BICC1: variants seen among roughly 807,000 people sequenced by gnomAD.
BICC1 encodes the protein BicC family RNA binding protein 1.
In BICC1, 43 loss-of-function variants were observed where a neutral mutation model predicts 111.0. The observed-to-expected ratio is 0.39, with a 90% CI of 0.30 to 0.50. BICC1 has a LOEUF of 0.50. Among genes scored for constraint, BICC1 ranks in the 20% least tolerant of loss-of-function variants. The pLI, the probability that BICC1 is intolerant of heterozygous loss-of-function variation, is 0.88. For missense variants in BICC1, 1,091 were observed against 1,203.2 expected, an observed-to-expected ratio of 0.91 and a Z score of 1.38; for synonymous variants, 467 against 434.4, an observed-to-expected ratio of 1.07 and a Z score of -0.93.
intron 2 of BICC1, among the ~76,000 whole-genome samples, chr10:58,657,113 C>G (rs1838681740): frequency 6.6e-6 from 1 of 152,144 alleles, no homozygotes. Flanking sequence ...CTCACGTGCG[C>G]CATTCCATCT....
chr10:58,527,275 T>C (rs1842569711), intron 1 of BICC1, among the ~76,000 whole-genome samples: 1 of 152,198 alleles, frequency 6.6e-6, no homozygotes, highest in South Asian at 2.1e-4. Context: ...TGGGGTTGAT[T>C]TTTTCCTGTA....
At chr10:58,680,083 C>G (rs965375320) in intron 2 of BICC1, among the ~76,000 whole-genome samples, 1 of 152,182 alleles carries the variant, frequency 6.6e-6, no homozygotes, top group Non-Finnish European at 1.5e-5. Flanking sequence ...CAATATCATA[C>G]TGAATGGGCA....
At position 58,649,370 on chromosome 10, in the gene BICC1, T is replaced by A. The variant is rs565227376; in HGVS notation, c.237+28469T>A. 4.6e-5 allele frequency among the ~76,000 whole-genome samples: 7 copies of A among 152,300 alleles called. No homozygotes were observed. In the South Asian group the frequency reaches 1.4e-3, roughly 32 times the overall value. ...TCAAGTAGGTATCACTGAATGAAGC[T>A]GGGCTTGTGCTCTCTCTCTGATAAC... On this transcript the variant is annotated intron_variant, in intron 2 of 20. Transcript: ENST00000373886.
chr10:58,773,256 C>T (rs1842665996), intron 3 of BICC1, among the ~76,000 whole-genome samples: 1 of 152,176 alleles, frequency 6.6e-6, no homozygotes, highest in African/African-American at 2.4e-5. Flanking sequence ...AAAGTTAGTG[C>T]TTCTGTGGAG....
At chr10:58,601,208 A>G (rs958270513) in intron 1 of BICC1, among the ~76,000 whole-genome samples, 15 of 146,210 alleles carry the variant, frequency 1.0e-4, no homozygotes, top group South Asian at 4.3e-4. Context: ...AAAATTTAAT[A>G]TAATCATACT....
Position 58,710,022 on chromosome 10 carries a change from G to A in BICC1, c.307+7879G>A, listed in dbSNP as rs561788142. Among the ~76,000 whole-genome samples, 24 of 152,272 alleles carry A rather than the reference G, an allele frequency of 1.6e-4. No homozygotes were observed. The South Asian group carries it at 4.4e-3, about 28-fold the overall frequency. On this transcript the variant is annotated intron_variant, in intron 3 of 20. Transcript: ENST00000373886. Reference sequence around the variant, plus strand: ...ATTAGTATTTATTTACATAATTAGCGATTATGTAAGTGGGTCCTACCATTT... The same window carrying A: ...ATTAGTATTTATTTACATAATTAGCAATTATGTAAGTGGGTCCTACCATTT...
At chr10:58,754,390 T>C (rs972964300) in intron 3 of BICC1, among the ~76,000 whole-genome samples, 2 of 152,202 alleles carry the variant, frequency 1.3e-5, no homozygotes, top group Admixed American at 1.3e-4. Context: ...GCAAATTCTG[T>C]CAGCAAACTG....
chr10:58,620,928 G>T (rs748638593), intron 2 of BICC1, 27 bp downstream of exon 2: 1 of 1,605,074 alleles, frequency 6.2e-7, no homozygotes, highest in Admixed American at 1.7e-5. Flanking sequence ...TCTTGTCATG[G>T]TGATAAGTAA....
At chr10:58,638,871 CTCTTTTTTCTCT>C in intron 2 of BICC1, among the ~76,000 whole-genome samples, 2 of 1,332 alleles carry the variant, frequency 1.5e-3, no homozygotes, top group African/African-American at 6.0e-3. Flanking sequence ...TTTTTCTCTT[CTCTTTTTTCTCT>C]TCTCTTTTTT....
intron 2 of BICC1, among the ~76,000 whole-genome samples, chr10:58,685,712 T>G (rs1190635567): frequency 6.6e-6 from 1 of 152,218 alleles, no homozygotes; most frequent in Non-Finnish European, 1.5e-5. Flanking sequence ...TGTTTTCCAT[T>G]TGCTTGGTAG....
At chr10:58,751,077 GCA>G (rs1409083819) in intron 3 of BICC1, among the ~76,000 whole-genome samples, 2 of 152,204 alleles carry the variant, frequency 1.3e-5, no homozygotes, top group African/African-American at 2.4e-5. Flanking sequence ...AACAGAAGAT[GCA>G]CACACCCAAA....
At chr10:58,647,081 G>T (rs1348750483) in intron 2 of BICC1, among the ~76,000 whole-genome samples, 1 of 152,056 alleles carries the variant, frequency 6.6e-6, no homozygotes, top group Admixed American at 6.5e-5. Context: ...TCCTATGGTA[G>T]ATATACCTGC....
chr10:58,697,498 T>A (rs1564560390), intron 2 of BICC1, among the ~76,000 whole-genome samples: 2 of 152,328 alleles, frequency 1.3e-5, no homozygotes, highest in East Asian at 3.9e-4. Flanking sequence ...AAACTCACTG[T>A]GGAGTTTTTT....
intron 1 of BICC1, among the ~76,000 whole-genome samples, chr10:58,594,122 A>G (rs565538076): frequency 2.0e-5 from 3 of 152,016 alleles, no homozygotes; most frequent in South Asian, 4.1e-4. Flanking sequence ...AAGAAAGGAT[A>G]TCAGTGATTG....
At chr10:58,608,493 A>G (rs1045036209) in intron 1 of BICC1, among the ~76,000 whole-genome samples, 1 of 152,186 alleles carries the variant, frequency 6.6e-6, no homozygotes, top group Non-Finnish European at 1.5e-5. Flanking sequence ...CCCTTTCCCC[A>G]TGTCCTCATG....
At chr10:58,794,818 G>A (rs968426318) in intron 9 of BICC1, among the ~76,000 whole-genome samples, 18 of 152,234 alleles carry the variant, frequency 1.2e-4, no homozygotes, top group Admixed American at 3.3e-4. Context: ...TTTGAAGAGC[G>A]ATTTCTGATC....
intron 15 of BICC1, among the ~76,000 whole-genome samples, 178 bp downstream of exon 15, chr10:58,803,420 G>A (rs1843614828): frequency 6.6e-6 from 1 of 152,126 alleles, no homozygotes; most frequent in African/African-American, 2.4e-5. Context: ...AAAATGAAAA[G>A]CAGTATTTAC....
intron 3 of BICC1, among the ~76,000 whole-genome samples, chr10:58,712,724 A>G (rs1379336814): frequency 1.3e-5 from 2 of 152,232 alleles, no homozygotes; most frequent in Non-Finnish European, 2.9e-5. Context: ...TAGGCAGAGC[A>G]CAGAGCATTC....
chr10:58,745,612 C>CT (rs60012261), intron 3 of BICC1, among the ~76,000 whole-genome samples: 1 of 133,828 alleles, frequency 7.5e-6, no homozygotes, highest in Admixed American at 7.6e-5. Context: ...GCCCCCCCCC[C>CT]ACATTTTTTT....
Sources: allele counts gnomAD v4.1 joint callset (sites outside exome capture counted in the v4.1 genomes callset), GRCh38; gene constraint gnomAD v4.1.1; transcripts MANE v1.5; gene names NCBI Gene and HGNC (gene_info 2026-07-23, HGNC 2026-07-21).